C11orf65: variants seen among roughly 807,000 people sequenced by gnomAD.
The protein encoded by C11orf65 is chromosome 11 open reading frame 65.
Under a neutral mutation model 35.3 loss-of-function variants are expected in C11orf65, and 38 were observed. The ratio of observed to expected loss-of-function variants is 1.08; its 90% CI spans 0.83 to 1.41. The LOEUF is 1.41. Ranked by LOEUF, C11orf65 falls within the 40% of genes most tolerant of loss-of-function variation. C11orf65 has a pLI of 0.00. For synonymous variants in C11orf65, 105 were observed against 114.4 expected, an observed-to-expected ratio of 0.92 and a Z score of 0.53; for missense variants, 370 against 367.1, an observed-to-expected ratio of 1.01 and a Z score of -0.06.
intron 3 of C11orf65, among the ~76,000 whole-genome samples, chr11:108,420,683 T>C (rs1462235290): frequency 1.3e-5 from 2 of 152,202 alleles, no homozygotes; most frequent in Non-Finnish European, 2.9e-5. Context: ...GTTCATGATT[T>C]AGAGCTCTCA....
intron 3 of C11orf65, among the ~76,000 whole-genome samples, chr11:108,412,126 T>C (rs1345745268): frequency 1.3e-5 from 2 of 152,166 alleles, no homozygotes; most frequent in African/African-American, 2.4e-5. Context: ...CATTGTCTTA[T>C]TGTTTTATAT....
At chr11:108,460,344 G>A (rs1177587193) in intron 2 of C11orf65, among the ~76,000 whole-genome samples, 1 of 152,070 alleles carries the variant, frequency 6.6e-6, no homozygotes, top group Non-Finnish European at 1.5e-5. Context: ...AAAGAGTGAG[G>A]TCATTTTACC....
chr11:108,363,985 T>C (rs1279118258), intron 2 of C11orf65, among the ~76,000 whole-genome samples: 1 of 152,210 alleles, frequency 6.6e-6, no homozygotes, highest in Non-Finnish European at 1.5e-5. Context: ...GCCATGTCAG[T>C]GCCCAACTTG....
chr11:108,330,910 CTTAGA>C (rs751845251), downstream of C11orf65, among the ~76,000 whole-genome samples: 17 of 152,008 alleles, frequency 1.1e-4, no homozygotes, highest in Non-Finnish European at 2.1e-4. Flanking sequence ...CTTTGAAAAC[CTTAGA>C]TTATAGTGAT....
chr11:108,431,552 G>A (rs541426853), intron 3 of C11orf65, among the ~76,000 whole-genome samples, 194 bp downstream of exon 3: 3 of 152,254 alleles, frequency 2.0e-5, no homozygotes, highest in Admixed American at 6.5e-5. Context: ...ATTGATCTGG[G>A]TGACGGTTAC....
intron 2 of C11orf65, among the ~76,000 whole-genome samples, chr11:108,437,117 G>GGA (rs1328298071): frequency 6.7e-6 from 1 of 148,956 alleles, no homozygotes; most frequent in East Asian, 2.0e-4. Context: ...AAAAGGGGGG[G>GGA]GGTGGACAAA....
intron 3 of C11orf65, among the ~76,000 whole-genome samples, chr11:108,411,792 CT>C (rs555110271): frequency 0.015 from 2,190 of 143,098 alleles, 42 homozygotes; most frequent in African/African-American, 0.048. Context: ...TTTCTTTTTT[CT>C]TTTTTTTTTT....
At chr11:108,390,055 G>A (rs571184232) in intron 7 of C11orf65, among the ~76,000 whole-genome samples, 2 of 149,984 alleles carry the variant, frequency 1.3e-5, no homozygotes, top group Non-Finnish European at 3.0e-5. Context: ...ACGGAGTCTC[G>A]CTCTGTTGCC....
At chr11:108,320,882 AT>A (rs4988093) in intron 6 of C11orf65, among the ~76,000 whole-genome samples, 1,952 of 152,366 alleles carry the variant, frequency 0.013, 53 homozygotes, top group African/African-American at 0.044. Flanking sequence ...CATATTTTGT[AT>A]AAGTATTATA....
chr11:108,326,211 G>A, intron 6 of C11orf65: 1 of 1,614,114 alleles, frequency 6.2e-7, no homozygotes, highest in Non-Finnish European at 8.5e-7. Context: ...GAAGTTGGAT[G>A]CCAGCTGTGC....
At chr11:108,465,677 T>A (rs971260714) in intron 1 of C11orf65, among the ~76,000 whole-genome samples, 1 of 150,100 alleles carries the variant, frequency 6.7e-6, no homozygotes, top group African/African-American at 2.4e-5. Context: ...TGAGAATGGA[T>A]TAAAGGTTTT....
At chr11:108,465,153 G>T (rs17108034) in intron 1 of C11orf65, among the ~76,000 whole-genome samples, 1,912 of 152,184 alleles carry the variant, frequency 0.013, 38 homozygotes, top group African/African-American at 0.041. Flanking sequence ...TCCCAATTTT[G>T]TAGGTGGAAA....
chr11:108,389,365 C>G (rs182047684), intron 7 of C11orf65, among the ~76,000 whole-genome samples: 6 of 152,184 alleles, frequency 3.9e-5, no homozygotes, highest in African/African-American at 1.4e-4. Flanking sequence ...CTGAGATAAT[C>G]AGTGCTTGTG....
intron 2 of C11orf65, among the ~76,000 whole-genome samples, chr11:108,348,958 G>C (rs189778511): frequency 6.6e-6 from 1 of 152,158 alleles, no homozygotes; most frequent in East Asian, 1.9e-4. Flanking sequence ...TCAGAATGTA[G>C]AAAAAGAAGT....
intron 2 of C11orf65, among the ~76,000 whole-genome samples, chr11:108,443,374 TAGG>T (rs1277347402): frequency 1.3e-5 from 2 of 152,090 alleles, no homozygotes; most frequent in African/African-American, 4.8e-5. Flanking sequence ...ACAATAATAA[TAGG>T]AGACTTTAAC....
chr11:108,383,490 CA>C lies in C11orf65; in HGVS notation c.788-316del, dbSNP rs201638267. On this transcript the variant is annotated intron_variant, in intron 8 of 8. Transcript: ENST00000393084. ...ATCTGTAAAATGGGGATAATAACCGCACCTACCTCATCATATTCCTGCAAGA... is the reference window on the plus strand; with the variant it reads ...ATCTGTAAAATGGGGATAATAACCGCCCTACCTCATCATATTCCTGCAAGA... 5.4e-3 allele frequency among the ~76,000 whole-genome samples: 824 copies of C among 152,292 alleles called. 7 individuals are homozygous for C. The highest frequency in any genetic ancestry group is 0.014 in the Middle Eastern group (4 of 294).
intron 6 of C11orf65, 111 bp downstream of exon 6, chr11:108,405,318 G>T (rs951564939): frequency 9.3e-7 from 1 of 1,080,948 alleles, no homozygotes. Flanking sequence ...CAGGGTCTGC[G>T]GGCAGACCCC....
At chr11:108,448,732 G>GA (rs1426533928) in intron 2 of C11orf65, among the ~76,000 whole-genome samples, 2 of 152,134 alleles carry the variant, frequency 1.3e-5, no homozygotes, top group Non-Finnish European at 2.9e-5. Flanking sequence ...CACAAGACAG[G>GA]ATGCCCTCTC....
At chr11:108,400,758 C>T (rs991954099) in intron 6 of C11orf65, among the ~76,000 whole-genome samples, 2 of 152,094 alleles carry the variant, frequency 1.3e-5, no homozygotes, top group African/African-American at 2.4e-5. Context: ...ACAGCTTTCC[C>T]CACTGTCATC....
Sources: gnomAD v4.1 joint callset for allele counts (sites outside exome capture counted in the v4.1 genomes callset) on GRCh38, gnomAD v4.1.1 for gene constraint, MANE v1.5 for transcripts, NCBI Gene and HGNC (gene_info 2026-07-23, HGNC 2026-07-21) for gene names.